Variants in TSHZ3 observed in about 807,000 individuals in gnomAD.
The protein encoded by TSHZ3 is teashirt homolog 3.
Under a neutral mutation model 64.5 loss-of-function variants are expected in TSHZ3, and 10 were observed. That is an observed-to-expected ratio of 0.16 (90% CI 0.10 to 0.26). TSHZ3 has a LOEUF of 0.26. TSHZ3 is among the 10% of genes least tolerant of loss of function. The pLI is 1.00. For synonymous variants in TSHZ3, 608 were observed against 593.1 expected (o/e 1.03, Z -0.36); for missense variants, 1,242 against 1,421.7 (o/e 0.87, Z 2.03).
chr19:31,168,613 A>G (rs564880760), intron 5 of TSHZ3, among the ~76,000 whole-genome samples: 1 of 152,354 alleles, frequency 6.6e-6, no homozygotes, highest in South Asian at 2.1e-4. Flanking sequence ...CAGAGGAGAC[A>G]CTGGCTTCCA....
At chr19:31,338,584 T>TC (rs918101477) in intron 1 of TSHZ3, among the ~76,000 whole-genome samples, 1 of 149,162 alleles carries the variant, frequency 6.7e-6, no homozygotes, top group Non-Finnish European at 1.5e-5. Context: ...TTTTTTTCTT[T>TC]TTTTTTTTTT....
chr19:31,242,092 C>T (rs1369008527), intron 3 of TSHZ3, among the ~76,000 whole-genome samples: 1 of 152,190 alleles, frequency 6.6e-6, no homozygotes, highest in Non-Finnish European at 1.5e-5. Context: ...GCATACTTCT[C>T]TACTTAGCCA....
At chr19:31,336,985 C>A (rs1012571033) in intron 1 of TSHZ3, among the ~76,000 whole-genome samples, 5 of 145,932 alleles carry the variant, frequency 3.4e-5, no homozygotes, top group African/African-American at 1.3e-4. Flanking sequence ...GTTTTTCTTT[C>A]TTTCTTCCTT....
At chr19:31,234,952 G>C (rs1262152924) in intron 3 of TSHZ3, among the ~76,000 whole-genome samples, 1 of 152,138 alleles carries the variant, frequency 6.6e-6, no homozygotes, top group Non-Finnish European at 1.5e-5. Context: ...TTGTAAATCT[G>C]TGATAGCATT....
intron 3 of TSHZ3, among the ~76,000 whole-genome samples, chr19:31,236,085 G>A (rs1975610335): frequency 6.6e-6 from 1 of 152,114 alleles, no homozygotes; most frequent in African/African-American, 2.4e-5. Context: ...ATGCTACATG[G>A]GGGTGCAGAT....
At chr19:31,295,932 T>C (rs1315278301) in intron 1 of TSHZ3, among the ~76,000 whole-genome samples, 1 of 143,362 alleles carries the variant, frequency 7.0e-6, no homozygotes, top group East Asian at 2.0e-4. Flanking sequence ...CCCCTCGCTT[T>C]CCCCCACTCC....
At chr19:31,190,488 A>ACTT (rs2145137258) in intron 5 of TSHZ3, among the ~76,000 whole-genome samples, 1 of 152,296 alleles carries the variant, frequency 6.6e-6, no homozygotes, top group Non-Finnish European at 1.5e-5. Context: ...AAAAGGAACA[A>ACTT]CTTCTCTCCC....
At chr19:31,172,788 T>C (rs973399398) in intron 5 of TSHZ3, among the ~76,000 whole-genome samples, 2 of 151,858 alleles carry the variant, frequency 1.3e-5, no homozygotes, top group African/African-American at 4.8e-5. Context: ...TGAGGAGAGG[T>C]TGAGCAAGGA....
At chr19:31,266,863 G>A (rs1976059980) in intron 1 of TSHZ3, among the ~76,000 whole-genome samples, 1 of 152,198 alleles carries the variant, frequency 6.6e-6, no homozygotes, top group African/African-American at 2.4e-5. Context: ...CCAAGCCCCT[G>A]TGGTTTCCGC....
intron 4 of TSHZ3, among the ~76,000 whole-genome samples, chr19:31,216,611 G>A (rs1975335084): frequency 6.6e-6 from 1 of 151,270 alleles, no homozygotes; most frequent in East Asian, 2.0e-4. Context: ...ACCACACCCA[G>A]CTAATTTTTG....
chr19:31,265,397 C>CA (rs11432951), intron 1 of TSHZ3, among the ~76,000 whole-genome samples: 14,058 of 34,762 alleles, frequency 0.4, 2,843 homozygotes, highest in Non-Finnish European at 0.49. Flanking sequence ...AACTCTGTCT[C>CA]AAAAAAAAAA....
intron 1 of TSHZ3, among the ~76,000 whole-genome samples, chr19:31,300,743 T>C (rs1170252447): frequency 5.9e-5 from 9 of 152,074 alleles, no homozygotes; most frequent in Non-Finnish European, 1.2e-4. Context: ...AGTTTAATTT[T>C]CAGGAGAGAT....
At chr19:31,247,093 G>A (rs902451853) in intron 1 of TSHZ3, among the ~76,000 whole-genome samples, 9 of 152,064 alleles carry the variant, frequency 5.9e-5, no homozygotes, top group African/African-American at 1.9e-4. Context: ...AAATGTAGAA[G>A]GAATACTATA....
intron 1 of TSHZ3, among the ~76,000 whole-genome samples, chr19:31,330,522 A>T (rs1485516679): frequency 6.6e-6 from 1 of 152,208 alleles, no homozygotes; most frequent in Non-Finnish European, 1.5e-5. Flanking sequence ...ACCCTCGGTC[A>T]GCATCGCCCC....
At chr19:31,335,200 T>C (rs1385507587) in intron 1 of TSHZ3, among the ~76,000 whole-genome samples, 1 of 152,238 alleles carries the variant, frequency 6.6e-6, no homozygotes, top group Non-Finnish European at 1.5e-5. Context: ...ATTCACGGGA[T>C]CTTTCTTCCT....
downstream of TSHZ3, among the ~76,000 whole-genome samples, chr19:31,274,181 T>C (rs1425808623): frequency 6.6e-6 from 1 of 152,102 alleles, no homozygotes; most frequent in Non-Finnish European, 1.5e-5. Context: ...ATGGATGTAA[T>C]ACATCTCTCA....
At chr19:31,344,629 T>G (rs1413780440) in intron 1 of TSHZ3, among the ~76,000 whole-genome samples, 2 of 152,200 alleles carry the variant, frequency 1.3e-5, no homozygotes, top group African/African-American at 4.8e-5. Flanking sequence ...GGCCCCAGCC[T>G]GACTCTGGCA....
chr19:31,210,399 G>A (rs1429162645), intron 4 of TSHZ3, among the ~76,000 whole-genome samples: 3 of 152,170 alleles, frequency 2.0e-5, no homozygotes, highest in African/African-American at 7.2e-5. Flanking sequence ...GGTGACAAGG[G>A]CCAGTGGCAG....
At position 31,335,950 on chromosome 19, in the gene TSHZ3, C is replaced by T. The variant is rs73037843; in HGVS notation, c.40+13230G>A. ...GCTGTGACAGGGAGGGAGTCAGGGACGGAGTCCCTAGTGCACTGATCTGGC... is the reference window on the plus strand; with the variant it reads ...GCTGTGACAGGGAGGGAGTCAGGGATGGAGTCCCTAGTGCACTGATCTGGC... On this transcript the variant is annotated intron_variant, in intron 1 of 1. Coordinates refer to ENST00000240587, the MANE Select transcript of TSHZ3 (RefSeq NM_020856.4). 2.3e-3 allele frequency among the ~76,000 whole-genome samples: 351 copies of T among 152,308 alleles called. 2 individuals carry two copies. Among genetic ancestry groups the T allele is most frequent in the South Asian group, 0.013 (62 of 4,824 alleles).
Sources: allele counts gnomAD v4.1 joint callset (sites outside exome capture counted in the v4.1 genomes callset), GRCh38; gene constraint gnomAD v4.1.1; transcripts MANE v1.5; gene names NCBI Gene and HGNC (gene_info 2026-07-23, HGNC 2026-07-21).